The following TBC1D5 variants were observed in gnomAD, a reference collection of about 807,000 sequenced individuals.
TBC1D5 encodes the protein TBC1 domain family member 5.
Under a neutral mutation model 100.3 loss-of-function variants are expected in TBC1D5, and 75 were observed. That is an observed-to-expected ratio of 0.75 (90% confidence interval 0.62 to 0.91). TBC1D5 has a LOEUF of 0.91. TBC1D5 is among the 40% of genes least tolerant of loss of function. The pLI is 0.00. For synonymous variants in TBC1D5, 323 were observed against 325.6 expected, an observed-to-expected ratio of 0.99 and a Z score of 0.09; for missense variants, 910 against 942.4, an observed-to-expected ratio of 0.97 and a Z score of 0.45.
intron 13 of TBC1D5, among the ~76,000 whole-genome samples, chr3:17,316,363 T>C (rs2084699287): frequency 1.3e-5 from 2 of 152,172 alleles, no homozygotes; most frequent in Admixed American, 6.5e-5. Context: ...CATTCATCAG[T>C]AGAGAGAAGT....
intron 4 of TBC1D5, among the ~76,000 whole-genome samples, chr3:17,416,026 CATTT>C (rs764683858): frequency 6.6e-6 from 1 of 152,156 alleles, no homozygotes; most frequent in Non-Finnish European, 1.5e-5. Flanking sequence ...TATAAATAGA[CATTT>C]ATTTAGCGAA....
At position 17,457,616 on chromosome 3, in the gene TBC1D5, T is replaced by C. The variant is rs1394439691; in HGVS notation, c.98-29097A>G. 6.6e-5 allele frequency among the ~76,000 whole-genome samples: 10 copies of C among 152,248 alleles called. No homozygotes were observed. In the South Asian group the frequency reaches 2.1e-3, roughly 31 times the overall value. On this transcript the variant is annotated intron_variant, in intron 3 of 21. Transcript: ENST00000253692. The stretch of plus-strand genomic sequence containing the variant: ...CTTCAACATATTCATCATAGTTATT[T>C]AAGAATACTTATGGGACAGTTCCAC...
At chr3:17,496,368 A>C (rs6780076) in intron 3 of TBC1D5, among the ~76,000 whole-genome samples, 12,194 of 152,206 alleles carry the variant, frequency 0.08, 1,008 homozygotes, top group African/African-American at 0.22. Context: ...AACGAATTCT[A>C]CATTACATCA....
chr3:17,162,304 T>A (rs546110374), intron 21 of TBC1D5, among the ~76,000 whole-genome samples: 1 of 152,354 alleles, frequency 6.6e-6, no homozygotes, highest in Admixed American at 6.5e-5. Context: ...CAGACTGGCA[T>A]GGCCTAGGCC....
At chr3:17,319,517 A>G (rs1162065925) in intron 13 of TBC1D5, among the ~76,000 whole-genome samples, 5 of 151,690 alleles carry the variant, frequency 3.3e-5, no homozygotes. Context: ...TTCCTTCCCA[A>G]CCCAAATCCC....
At chr3:17,235,267 C>T (rs1481632316) in intron 17 of TBC1D5, among the ~76,000 whole-genome samples, 1 of 152,134 alleles carries the variant, frequency 6.6e-6, no homozygotes, top group African/African-American at 2.4e-5. Context: ...CACAACTGTC[C>T]CCCTATCTAA....
At chr3:17,215,733 A>G (rs2073557464) in intron 17 of TBC1D5, among the ~76,000 whole-genome samples, 1 of 152,170 alleles carries the variant, frequency 6.6e-6, no homozygotes, top group Non-Finnish European at 1.5e-5. Flanking sequence ...TAAAAGTCAG[A>G]GATATCACAA....
At chr3:17,584,935 C>T (rs954831074) in intron 2 of TBC1D5, among the ~76,000 whole-genome samples, 2 of 152,034 alleles carry the variant, frequency 1.3e-5, no homozygotes, top group African/African-American at 2.4e-5. Context: ...GGATTACAGG[C>T]GTGAGCCACT....
rs2096563302 is a variant in TBC1D5 at position 17,562,159 on chromosome 3, TAATTA to T, written c.-35-53559_-35-53555del. ...ACCCCATCTCTAAAAAAAATTTAAT[TAATTA>T]AATTAAAATAAAAATAAACTAAGCA... On this transcript the variant is annotated intron_variant, in intron 2 of 21. Coordinates refer to ENST00000253692, the Ensembl canonical transcript of TBC1D5. The T allele has an allele frequency of 2.0e-5, 3 of 151,782 alleles. No individual in the cohort carries two copies. In the South Asian group the frequency reaches 6.2e-4, roughly 32 times the overall value. 9.4% of individuals were successfully genotyped at this position (151,782 alleles called of 1,614,324 possible). A position where few individuals can be genotyped will look rare whatever the true frequency, so the allele number is the denominator to read the frequency against.
chr3:17,346,957 G>A (rs1326031624), intron 13 of TBC1D5, among the ~76,000 whole-genome samples: 1 of 152,086 alleles, frequency 6.6e-6, no homozygotes, highest in Non-Finnish European at 1.5e-5. Flanking sequence ...TTGAATATAT[G>A]GACTTTCTAT....
intron 15 of TBC1D5, among the ~76,000 whole-genome samples, chr3:17,267,565 C>T (rs1036465875): frequency 3.3e-5 from 5 of 152,118 alleles, no homozygotes; most frequent in African/African-American, 1.2e-4. Flanking sequence ...TAAAAGTTAT[C>T]ATTGCAAATT....
intron 17 of TBC1D5, among the ~76,000 whole-genome samples, chr3:17,226,364 A>G (rs892034605): frequency 1.3e-5 from 2 of 150,906 alleles, no homozygotes; most frequent in East Asian, 1.9e-4. Flanking sequence ...TTGTTGCACG[A>G]AAATTTAAAG....
chr3:17,265,766 G>A (rs1186341561), intron 15 of TBC1D5, among the ~76,000 whole-genome samples: 1 of 152,082 alleles, frequency 6.6e-6, no homozygotes, highest in Non-Finnish European at 1.5e-5. Context: ...AGATGCCATG[G>A]CACGCGTGAA....
At chr3:17,419,769 A>G (rs1162660737) in intron 4 of TBC1D5, among the ~76,000 whole-genome samples, 1 of 152,118 alleles carries the variant, frequency 6.6e-6, no homozygotes, top group Admixed American at 6.6e-5. Flanking sequence ...TCAACCTCCC[A>G]GGCTCAAGTG....
intron 1 of TBC1D5, among the ~76,000 whole-genome samples, chr3:17,687,676 G>A (rs1328557556): frequency 6.6e-6 from 1 of 152,126 alleles, no homozygotes; most frequent in Admixed American, 6.5e-5. Context: ...AAGGCTATGA[G>A]AATTGCAGCT....
rs574527223 is a variant in TBC1D5 at position 17,286,120 on chromosome 3, A to G, written c.1245+5775T>C. ...ATACATGTACTGTATTTCATTTATA[A>G]TAAGTCTTTATGATAAGGTTAACAC... is the stretch of plus-strand genomic sequence containing the variant. On this transcript the variant is annotated intron_variant, in intron 15 of 21. Coordinates refer to ENST00000253692, the Ensembl canonical transcript of TBC1D5. Among the ~76,000 whole-genome samples the G allele has an allele frequency of 7.2e-5, 11 of 152,334 alleles. No homozygotes were observed. In the East Asian group the frequency reaches 1.5e-3, roughly 21 times the overall value.
At chr3:17,538,147 C>T (rs896874277) in intron 2 of TBC1D5, among the ~76,000 whole-genome samples, 3 of 152,054 alleles carry the variant, frequency 2.0e-5, no homozygotes, top group Admixed American at 1.3e-4. Context: ...CACACCCCCA[C>T]CCCCTGTTGC....
chr3:17,363,803 TCTA>T (rs2091913450), intron 13 of TBC1D5, among the ~76,000 whole-genome samples: 1 of 152,024 alleles, frequency 6.6e-6, no homozygotes, highest in African/African-American at 2.4e-5. Context: ...ATTTTACTGT[TCTA>T]CTTAATGGAT....
chr3:17,207,503 T>C (rs749191446), intron 18 of TBC1D5, among the ~76,000 whole-genome samples: 9 of 152,240 alleles, frequency 5.9e-5, no homozygotes, highest in Non-Finnish European at 1.2e-4. Flanking sequence ...AGTATAATGA[T>C]GTCTTTTATA....
Sources: allele counts gnomAD v4.1 joint callset (sites outside exome capture counted in the v4.1 genomes callset), GRCh38; gene constraint gnomAD v4.1.1; transcripts MANE v1.5; gene names NCBI Gene and HGNC (gene_info 2026-07-23, HGNC 2026-07-21).